NBAS: variants seen among roughly 807,000 people sequenced by gnomAD.
NBAS encodes the protein NAG/BC035112 fusion.
In NBAS, 219 loss-of-function variants were observed where a neutral mutation model predicts 302.5. The ratio of observed to expected loss-of-function variants is 0.72; its 90% CI spans 0.65 to 0.81. NBAS has a LOEUF of 0.81. Among genes scored for constraint, NBAS ranks in the 30% least tolerant of loss-of-function variants. NBAS has a pLI of 0.00. For missense variants in NBAS, 2,932 were observed against 2,841.6 expected, an observed-to-expected ratio of 1.03 and a Z score of -0.72; for synonymous variants, 1,118 against 1,021.6, an observed-to-expected ratio of 1.09 and a Z score of -1.80.
the NBAS span, among the ~76,000 whole-genome samples, chr2:14,801,793 A>G: frequency 6.6e-6 from 1 of 152,204 alleles, no homozygotes; most frequent in African/African-American, 2.4e-5. Flanking sequence ...AAGTTATTTA[A>G]AAACAATTTG....
At chr2:14,932,743 C>T in the NBAS span, among the ~76,000 whole-genome samples, 4 of 152,332 alleles carry the variant, frequency 2.6e-5, no homozygotes, top group African/African-American at 9.6e-5. Flanking sequence ...GGCCAGACTG[C>T]TGAAAAAGTG....
chr2:15,110,710 C>T, the NBAS span, among the ~76,000 whole-genome samples: 2 of 152,190 alleles, frequency 1.3e-5, no homozygotes, highest in Admixed American at 6.5e-5. Context: ...CCTAATTATA[C>T]TAACATTCAA....
rs776765799 is a variant in NBAS at position 15,308,377 on chromosome 2, A to G, written c.4660-24T>C. On this transcript the variant is annotated intron_variant, in intron 39 of 51. Transcript: ENST00000281513. ...ACCTAGGAGGGAACATGTTAGAATT[A>G]ACTCAGCTGAAAGGAAATTATGAAG... The G allele has an allele frequency of 2.5e-6, 4 of 1,612,384 alleles. No individual in the cohort carries two copies. In the South Asian group the frequency reaches 4.4e-5, roughly 18 times the overall value.
intron 16 of NBAS, among the ~76,000 whole-genome samples, chr2:15,471,083 G>A (rs75419185): frequency 0.013 from 2,027 of 152,148 alleles, 35 homozygotes; most frequent in East Asian, 0.059. Flanking sequence ...TTAACTAAAC[G>A]AAATATTCCC....
At chr2:15,266,040 G>A (rs1353570101) in intron 44 of NBAS, among the ~76,000 whole-genome samples, 1 of 152,148 alleles carries the variant, frequency 6.6e-6, no homozygotes, top group Non-Finnish European at 1.5e-5. Context: ...TGAATCATGG[G>A]AGTAGTTTCC....
the NBAS span, among the ~76,000 whole-genome samples, chr2:15,135,524 G>A: frequency 6.6e-6 from 1 of 152,254 alleles, no homozygotes; most frequent in South Asian, 2.1e-4. Flanking sequence ...CCTGCTGCAC[G>A]GTACACAGAG....
At chr2:15,113,341 G>GTGTT in the NBAS span, among the ~76,000 whole-genome samples, 1 of 151,156 alleles carries the variant, frequency 6.6e-6, no homozygotes, top group African/African-American at 2.4e-5. Context: ...GTGTGTGTGT[G>GTGTT]TGTGTGTGTG....
At chr2:14,942,934 AGAGCCAGGGACCTC>A in the NBAS span, among the ~76,000 whole-genome samples, 1 of 152,222 alleles carries the variant, frequency 6.6e-6, no homozygotes, top group Admixed American at 6.5e-5. Flanking sequence ...TTGCAAAAGG[AGAGCCAGGGACCTC>A]TCTGCAGATC....
chr2:15,305,881 T>C (rs1236950897), intron 40 of NBAS, among the ~76,000 whole-genome samples: 2 of 152,050 alleles, frequency 1.3e-5, no homozygotes, highest in Non-Finnish European at 2.9e-5. Context: ...AATGGAAGAG[T>C]GAGATCTAAT....
rs574612764 is a variant in NBAS, at chr2:15,487,508, T to C, written c.1083+1386A>G. Among the ~76,000 whole-genome samples, 3 of 152,264 alleles carry C rather than the reference T, an allele frequency of 2.0e-5. No individual in the cohort carries two copies. In the South Asian group the frequency reaches 6.2e-4, roughly 32 times the overall value. On this transcript the variant is annotated intron_variant, in intron 12 of 51. Coordinates refer to ENST00000281513, the MANE Select transcript of NBAS (RefSeq NM_015909.4). ...AAAGACTGTATTTTCCATCAGTGTT[T>C]GGTTGAAGAAAATCTATGTACAGAG...
chr2:15,101,270 A>G, the NBAS span, among the ~76,000 whole-genome samples: 11 of 152,292 alleles, frequency 7.2e-5, no homozygotes, highest in Admixed American at 5.2e-4. Flanking sequence ...TTACTTCAAA[A>G]TATTATTAAT....
At chr2:14,856,820 G>T in the NBAS span, among the ~76,000 whole-genome samples, 1 of 151,824 alleles carries the variant, frequency 6.6e-6, no homozygotes, top group African/African-American at 2.4e-5. Flanking sequence ...GCCTCAACGG[G>T]GCAAATATGA....
intron 11 of NBAS, among the ~76,000 whole-genome samples, chr2:15,495,604 A>C (rs10200346): frequency 0.62 from 93,941 of 151,946 alleles, 29,914 homozygotes; most frequent in Non-Finnish European, 0.68. Context: ...AGATAAACCT[A>C]AGCCAGAATA....
chr2:14,845,260 G>C, the NBAS span, among the ~76,000 whole-genome samples: 2 of 152,312 alleles, frequency 1.3e-5, no homozygotes, highest in South Asian at 2.1e-4. Flanking sequence ...AAGAGTCTCT[G>C]CCTGGTAATC....
intron 12 of NBAS, among the ~76,000 whole-genome samples, chr2:15,481,548 C>T (rs1444089705): frequency 6.6e-6 from 1 of 152,088 alleles, no homozygotes; most frequent in African/African-American, 2.4e-5. Flanking sequence ...AAGCAACCTC[C>T]ATGCCACTTC....
chr2:14,938,650 A>G, the NBAS span, among the ~76,000 whole-genome samples: 1 of 152,224 alleles, frequency 6.6e-6, no homozygotes, highest in Non-Finnish European at 1.5e-5. Flanking sequence ...GAAGAGAACT[A>G]TATCACCCAC....
At chr2:15,091,483 T>A in the NBAS span, among the ~76,000 whole-genome samples, 1 of 152,214 alleles carries the variant, frequency 6.6e-6, no homozygotes, top group East Asian at 1.9e-4. Context: ...GTGGTTTTTT[T>A]GGCTTGCTTT....
At chr2:15,034,043 G>GAGGA in the NBAS span, among the ~76,000 whole-genome samples, 1 of 74,172 alleles carries the variant, frequency 1.3e-5, no homozygotes, top group Non-Finnish European at 2.6e-5. Flanking sequence ...GAGGAAGGAG[G>GAGGA]AGGAGGAGGA....
chr2:14,845,705 G>A, the NBAS span, among the ~76,000 whole-genome samples: 4 of 152,164 alleles, frequency 2.6e-5, no homozygotes, highest in Non-Finnish European at 4.4e-5. Flanking sequence ...ATTGAAAAAG[G>A]AGATTAAAAT....
Sources: allele counts gnomAD v4.1 joint callset (sites outside exome capture counted in the v4.1 genomes callset), GRCh38; gene constraint gnomAD v4.1.1; transcripts MANE v1.5; gene names NCBI Gene and HGNC (gene_info 2026-07-23, HGNC 2026-07-21).